The following GPC6 variants were observed in gnomAD, a reference collection of about 807,000 sequenced individuals.
GPC6 encodes the protein glypican-6.
Under a neutral mutation model 55.2 loss-of-function variants are expected in GPC6, and 14 were observed. That is an observed-to-expected ratio of 0.25 (90% CI 0.17 to 0.40). The LOEUF is 0.40. Among genes scored for constraint, GPC6 ranks in the 10% least tolerant of loss-of-function variants. GPC6 has a pLI of 1.00. For synonymous variants in GPC6, 278 were observed against 259.6 expected (o/e 1.07, Z -0.68); for missense variants, 641 against 708.5 (o/e 0.90, Z 1.08).
At chr13:94,273,629 T>G (rs1485674381) in intron 4 of GPC6, among the ~76,000 whole-genome samples, 1 of 152,240 alleles carries the variant, frequency 6.6e-6, no homozygotes, top group African/African-American at 2.4e-5. Flanking sequence ...TGATGCTATT[T>G]GTGCAATTTA....
chr13:93,492,637 G>T (rs200992966), intron 1 of GPC6, among the ~76,000 whole-genome samples: 1 of 150,546 alleles, frequency 6.6e-6, no homozygotes, highest in East Asian at 1.9e-4. Flanking sequence ...TTGCCCATTC[G>T]GTATGATATT....
At chr13:94,290,866 C>T (rs1466117720) in intron 5 of GPC6, among the ~76,000 whole-genome samples, 2 of 152,212 alleles carry the variant, frequency 1.3e-5, no homozygotes, top group East Asian at 3.9e-4. Context: ...TGATACATAT[C>T]TTTGTAAGAA....
At chr13:94,005,078 A>G (rs1594659461) in intron 3 of GPC6, among the ~76,000 whole-genome samples, 2 of 152,226 alleles carry the variant, frequency 1.3e-5, no homozygotes, top group Admixed American at 1.3e-4. Context: ...AGCCCCCAAA[A>G]TATCTGAATG....
intron 3 of GPC6, among the ~76,000 whole-genome samples, chr13:93,954,704 A>C (rs1879420253): frequency 6.6e-6 from 1 of 152,118 alleles, no homozygotes; most frequent in African/African-American, 2.4e-5. Context: ...CTGCCTGGGA[A>C]GCTCCCAGCA....
intron 2 of GPC6, among the ~76,000 whole-genome samples, chr13:93,655,984 T>G (rs1008595356): frequency 6.6e-6 from 1 of 152,192 alleles, no homozygotes; most frequent in Non-Finnish European, 1.5e-5. Flanking sequence ...ATTGCTAATA[T>G]TCATATCCAT....
intron 1 of GPC6, among the ~76,000 whole-genome samples, chr13:93,489,370 G>A (rs1879862837): frequency 6.6e-6 from 1 of 151,424 alleles, no homozygotes; most frequent in Non-Finnish European, 1.5e-5. Flanking sequence ...TTTGGTTACT[G>A]TAGCCTTGTA....
At chr13:93,714,680 A>G (rs1883190523) in intron 2 of GPC6, among the ~76,000 whole-genome samples, 1 of 151,670 alleles carries the variant, frequency 6.6e-6, no homozygotes, top group Admixed American at 6.6e-5. Context: ...TACAAGAAGG[A>G]ATTCAGGAGC....
At chr13:93,577,742 CT>C (rs1876732856) in intron 2 of GPC6, among the ~76,000 whole-genome samples, 1 of 151,880 alleles carries the variant, frequency 6.6e-6, no homozygotes, top group Non-Finnish European at 1.5e-5. Context: ...GACTTCCAAT[CT>C]TATGTTAAAT....
Position 94,286,448 on chromosome 13 carries a change from T to C in GPC6, c.977T>C (p.Met326Thr), listed in dbSNP as rs1462653387. The C allele has an allele frequency of 1.2e-6, 2 of 1,613,820 alleles. No individual in the cohort carries two copies. The highest frequency in any genetic ancestry group is 1.7e-6 in the Non-Finnish European group (2 of 1,179,766). The change falls in exon 5 of 9, where the codon ATG becomes ACG. Residue 326 changes from methionine (M) to threonine (T), a missense_variant. Transcript: ENST00000377047. ...DVKISEAIMN[M>T]QENSMQVSAK... ...AAGATTTCTGAAGCCATTATGAACATGCAAGAAAACAGCATGCAGGTGTCT... is the reference window on the plus strand; with the variant it reads ...AAGATTTCTGAAGCCATTATGAACACGCAAGAAAACAGCATGCAGGTGTCT...
chr13:94,216,080 G>A (rs878862353), intron 4 of GPC6, among the ~76,000 whole-genome samples: 1 of 152,152 alleles, frequency 6.6e-6, no homozygotes, highest in Admixed American at 6.6e-5. Context: ...TTTTCCAAAT[G>A]TATCTTAATG....
At chr13:93,938,276 T>G (rs1335633233) in intron 3 of GPC6, among the ~76,000 whole-genome samples, 2 of 152,192 alleles carry the variant, frequency 1.3e-5, no homozygotes, top group Non-Finnish European at 2.9e-5. Context: ...TTAACTCTAG[T>G]CCATAAATAA....
At chr13:94,241,261 CAAACATTT>C (rs1891045207) in intron 4 of GPC6, among the ~76,000 whole-genome samples, 1 of 152,120 alleles carries the variant, frequency 6.6e-6, no homozygotes, top group South Asian at 2.1e-4. Context: ...CCACAATAAA[CAAACATTT>C]GTTATTCAAG....
intron 1 of GPC6, among the ~76,000 whole-genome samples, chr13:93,322,482 G>A (rs980889126): frequency 7.2e-6 from 1 of 138,516 alleles, no homozygotes; most frequent in Non-Finnish European, 1.5e-5. Context: ...TGTTGCCCAG[G>A]CTGGAGTGCA....
At chr13:94,094,805 G>T (rs912458497) in intron 4 of GPC6, among the ~76,000 whole-genome samples, 1 of 131,132 alleles carries the variant, frequency 7.6e-6, no homozygotes, top group African/African-American at 2.8e-5. Context: ...ATGCTTTCTA[G>T]TGTAATCATT....
Position 93,447,572 on chromosome 13 carries a change from C to T in GPC6, c.161-97691C>T, listed in dbSNP as rs115554507. Among the ~76,000 whole-genome samples the T allele has an allele frequency of 4.8e-3, 733 of 152,156 alleles. 6 individuals are homozygous for T. Among genetic ancestry groups the T allele is most frequent in the African/African-American group, 0.016 (665 of 41,508 alleles). On this transcript the variant is annotated intron_variant, in intron 1 of 8. Coordinates refer to ENST00000377047, the MANE Select transcript of GPC6 (RefSeq NM_005708.5). Reference sequence around the variant, plus strand: ...TTTTGATCAAGACATTCTAATTGGCCGTATTCCCCAAATGAGCATTTCTAT... The same window carrying T: ...TTTTGATCAAGACATTCTAATTGGCTGTATTCCCCAAATGAGCATTTCTAT...
At chr13:93,840,187 TAG>T (rs1887896686) in intron 3 of GPC6, among the ~76,000 whole-genome samples, 1 of 152,084 alleles carries the variant, frequency 6.6e-6, no homozygotes, top group African/African-American at 2.4e-5. Flanking sequence ...ATAAAATTGA[TAG>T]AGTATTAGCA....
At chr13:94,260,311 T>G (rs1393222002) in intron 4 of GPC6, among the ~76,000 whole-genome samples, 1 of 152,186 alleles carries the variant, frequency 6.6e-6, no homozygotes, top group Admixed American at 6.5e-5. Flanking sequence ...AAGAGTAGTA[T>G]GTATATCAGT....
At chr13:93,278,461 T>C (rs1483774396) in intron 1 of GPC6, among the ~76,000 whole-genome samples, 1 of 152,206 alleles carries the variant, frequency 6.6e-6, no homozygotes, top group Non-Finnish European at 1.5e-5. Flanking sequence ...GCAACCACCT[T>C]TCTCCTTTCT....
At chr13:93,513,700 C>T (rs981612036) in intron 1 of GPC6, among the ~76,000 whole-genome samples, 3 of 152,092 alleles carry the variant, frequency 2.0e-5, no homozygotes, top group Non-Finnish European at 4.4e-5. Context: ...CACGATTGCA[C>T]GATTTCTGTG....
Sources: gnomAD v4.1 joint callset for allele counts (sites outside exome capture counted in the v4.1 genomes callset) on GRCh38, gnomAD v4.1.1 for gene constraint, MANE v1.5 for transcripts, NCBI Gene and HGNC (gene_info 2026-07-23, HGNC 2026-07-21) for gene names.